CTIF: variants seen among roughly 807,000 people sequenced by gnomAD.
The protein encoded by CTIF is cap binding complex dependent translation initiation factor, also known as CBP80/20-dependent translation initiation factor.
A neutral mutation model predicts 66.0 loss-of-function variants in CTIF; 21 were observed. That is an observed-to-expected ratio of 0.32 (90% confidence interval 0.23 to 0.46). The LOEUF (loss-of-function observed/expected upper bound fraction) is 0.46, where lower values mean the gene tolerates loss of function less well. Ranked by LOEUF, CTIF falls within the 20% of genes least tolerant of loss-of-function variation. The pLI is 1.00. For synonymous variants in CTIF, 345 were observed against 326.4 expected, an observed-to-expected ratio of 1.06 and a Z score of -0.62; for missense variants, 739 against 812.7, an observed-to-expected ratio of 0.91 and a Z score of 1.10.
chr18:48,540,551 C>T (rs1370468459), intron 1 of CTIF, among the ~76,000 whole-genome samples: 2 of 149,002 alleles, frequency 1.3e-5, no homozygotes, highest in African/African-American at 5.0e-5. Context: ...ATCTGGGCGG[C>T]GTTGGCTCTG....
intron 6 of CTIF, among the ~76,000 whole-genome samples, chr18:48,709,700 T>A (rs1407310796): frequency 6.6e-6 from 1 of 152,000 alleles, no homozygotes; most frequent in African/African-American, 2.4e-5. Context: ...CTAGTCAGGG[T>A]GGGAGAGGGG....
At chr18:48,710,151 C>T (rs1257407869) in intron 6 of CTIF, among the ~76,000 whole-genome samples, 1 of 152,244 alleles carries the variant, frequency 6.6e-6, no homozygotes, top group Non-Finnish European at 1.5e-5. Context: ...TTTATGGAAC[C>T]TGAATCCCGA....
chr18:48,661,268 G>C (rs1024780524), intron 3 of CTIF, among the ~76,000 whole-genome samples: 1 of 152,252 alleles, frequency 6.6e-6, no homozygotes, highest in African/African-American at 2.4e-5. Context: ...TAACAGATCA[G>C]GGATTAGGGA....
rs57715945 is a variant in CTIF at position 48,669,793 on chromosome 18, T to TTATATATA, written c.432-835_432-828dup. Among the ~76,000 whole-genome samples the TTATATATA allele has an allele frequency of 1.6e-3, 74 of 47,196 alleles. 1 individual carries two copies. The highest frequency in any genetic ancestry group is 1.8e-3 in the Non-Finnish European group (46 of 25,616). 31.0% of individuals were successfully genotyped at this position (47,196 alleles called of 152,430 possible). ...ATTTATAAACAAACAAGCTAAACAT[T>TTATATATA]TATATATATATATATATATATATAT... On this transcript the variant is annotated intron_variant, in intron 5 of 11. Transcript: ENST00000256413.
intron 1 of CTIF, chr18:48,539,632 T>C (rs1451577880): frequency 3.3e-5 from 5 of 152,984 alleles, no homozygotes; most frequent in Non-Finnish European, 7.3e-5. Context: ...AGGGGGGCTC[T>C]TGGGGGACGC....
In CTIF at chr18:48,579,637, C is replaced by T. The variant is rs2143786944; in HGVS notation, c.-28-39901C>T. ...GCCTGCCTCAAAGTACCAGGCATCC[C>T]TGCTGCTCTAGGAAGGCCTGCATTG... On this transcript the variant is annotated intron_variant, in intron 1 of 11. Coordinates refer to ENST00000256413, the MANE Select transcript of CTIF (RefSeq NM_014772.3). Among the ~76,000 whole-genome samples, 4 of 152,308 alleles carry T rather than the reference C, an allele frequency of 2.6e-5. No homozygotes were observed. The South Asian group carries it at 8.3e-4, about 32-fold the overall frequency.
chr18:48,766,781 G>A (rs1257480078), intron 9 of CTIF, among the ~76,000 whole-genome samples: 3 of 117,126 alleles, frequency 2.6e-5, no homozygotes, highest in African/African-American at 8.4e-5. Flanking sequence ...TACACAGGAG[G>A]CCTCAGCTGC....
chr18:48,811,182 T>C (rs1373202827), intron 9 of CTIF, among the ~76,000 whole-genome samples: 1 of 152,154 alleles, frequency 6.6e-6, no homozygotes, highest in Non-Finnish European at 1.5e-5. Flanking sequence ...CTTATTTAAA[T>C]TACATTTTAA....
intron 2 of CTIF, among the ~76,000 whole-genome samples, chr18:48,626,532 A>G (rs1049891784): frequency 6.6e-6 from 1 of 150,410 alleles, no homozygotes; most frequent in African/African-American, 2.5e-5. Context: ...TATTTTTAGT[A>G]GAGACGGAGT....
In CTIF at chr18:48,765,517, A is replaced by G. The variant is rs532422262; in HGVS notation, c.1371+3828A>G. 1.4e-4 allele frequency among the ~76,000 whole-genome samples: 22 copies of G among 152,354 alleles called. No homozygotes were observed. In the South Asian group the frequency reaches 2.3e-3, roughly 16 times the overall value. On this transcript the variant is annotated intron_variant, in intron 9 of 11. Coordinates refer to ENST00000256413, the MANE Select transcript of CTIF (RefSeq NM_014772.3). The stretch of plus-strand genomic sequence containing the variant: ...TCCCTGGCTGACTTCTCTTGCTGCC[A>G]GGGCTTCAGTGATGGGAGCCGGCAG...
intron 10 of CTIF, among the ~76,000 whole-genome samples, chr18:48,842,287 T>G (rs2068963072): frequency 6.6e-6 from 1 of 152,064 alleles, no homozygotes; most frequent in Admixed American, 6.6e-5. Flanking sequence ...TGGTGGGGCC[T>G]GAGTGTGAAA....
chr18:48,725,430 G>A (rs768586479), intron 7 of CTIF, among the ~76,000 whole-genome samples: 1 of 152,112 alleles, frequency 6.6e-6, no homozygotes. Flanking sequence ...GGATGGCAGG[G>A]GAGCCTCGGC....
intron 1 of CTIF, among the ~76,000 whole-genome samples, chr18:48,598,962 T>C (rs1250151372): frequency 6.6e-6 from 1 of 152,096 alleles, no homozygotes; most frequent in Non-Finnish European, 1.5e-5. Context: ...GATTCCAGAT[T>C]CAATAGTGGT....
intron 1 of CTIF, among the ~76,000 whole-genome samples, chr18:48,551,424 ACTT>A (rs1233607951): frequency 6.6e-6 from 1 of 151,910 alleles, no homozygotes; most frequent in African/African-American, 2.4e-5. Context: ...TTGGTTTTGG[ACTT>A]CTAGCCCCCA....
chr18:48,730,712 C>CGGTGTGAGGGGCCCCT (rs1555681537), intron 7 of CTIF, among the ~76,000 whole-genome samples: 1 of 71,174 alleles, frequency 1.4e-5, no homozygotes, highest in African/African-American at 7.0e-5. Context: ...GAGGGGCTTC[C>CGGTGTGAGGGGCCCCT]GCGGTGTGAG....
chr18:48,684,408 T>G (rs1460382946), intron 6 of CTIF, among the ~76,000 whole-genome samples: 1 of 152,172 alleles, frequency 6.6e-6, no homozygotes, highest in African/African-American at 2.4e-5. Context: ...TACTATTTTT[T>G]TCTAGTGGTA....
At chr18:48,677,151 T>C (rs1243984594) in intron 6 of CTIF, among the ~76,000 whole-genome samples, 1 of 152,112 alleles carries the variant, frequency 6.6e-6, no homozygotes, top group Non-Finnish European at 1.5e-5. Flanking sequence ...TAGGACATGC[T>C]AACTCACAGG....
At chr18:48,604,917 A>G (rs1267200348) in intron 1 of CTIF, among the ~76,000 whole-genome samples, 1 of 152,026 alleles carries the variant, frequency 6.6e-6, no homozygotes, top group Non-Finnish European at 1.5e-5. Flanking sequence ...TTAGCTTTGT[A>G]TTTTCAAGGT....
intron 7 of CTIF, among the ~76,000 whole-genome samples, chr18:48,750,778 A>G (rs1246444279): frequency 1.3e-5 from 2 of 152,058 alleles, no homozygotes; most frequent in Admixed American, 6.5e-5. Flanking sequence ...TCTGCACCAC[A>G]CGCTGCCATA....
Sources: allele counts gnomAD v4.1 joint callset (sites outside exome capture counted in the v4.1 genomes callset), GRCh38; gene constraint gnomAD v4.1.1; transcripts MANE v1.5; gene names NCBI Gene and HGNC (gene_info 2026-07-23, HGNC 2026-07-21).